OPCML: variants seen among roughly 807,000 people sequenced by gnomAD.
The protein encoded by OPCML is opioid-binding protein/cell adhesion molecule.
A neutral mutation model predicts 37.8 loss-of-function variants in OPCML; 13 were observed. The ratio of observed to expected loss-of-function variants is 0.34; its 90% CI spans 0.22 to 0.55. OPCML has a LOEUF of 0.55. Ranked by LOEUF, OPCML falls within the 20% of genes least tolerant of loss-of-function variation. The pLI, the probability that OPCML is intolerant of heterozygous loss-of-function variation, is 0.91. For synonymous variants in OPCML, 176 were observed against 168.8 expected (o/e 1.04, Z -0.33); for missense variants, 341 against 435.6 (o/e 0.78, Z 1.93).
intron 4 of OPCML, among the ~76,000 whole-genome samples, chr11:132,493,600 T>C (rs573990724): frequency 1.3e-5 from 2 of 152,326 alleles, no homozygotes; most frequent in Admixed American, 1.3e-4. Flanking sequence ...CTCTCCTTCC[T>C]GGACTCCCAT....
chr11:132,452,613 TTTCCTTCCTTCTTGCC>T (rs2096071518), intron 4 of OPCML, among the ~76,000 whole-genome samples: 1 of 151,696 alleles, frequency 6.6e-6, no homozygotes, highest in Non-Finnish European at 1.5e-5. Flanking sequence ...GCCTTCCTAC[TTTCCTTCCTTCTTGCC>T]TTCCTTCCTT....
At chr11:132,562,892 A>G (rs2096413698) in intron 3 of OPCML, among the ~76,000 whole-genome samples, 1 of 152,214 alleles carries the variant, frequency 6.6e-6, no homozygotes. Flanking sequence ...ACACTGATGT[A>G]TACACTGGAA....
At chr11:133,167,333 C>T (rs1221606085) in intron 1 of OPCML, among the ~76,000 whole-genome samples, 4 of 151,956 alleles carry the variant, frequency 2.6e-5, no homozygotes, top group Non-Finnish European at 5.9e-5. Flanking sequence ...AAAATAAATA[C>T]CATATGTGAA....
chr11:133,180,454 A>G (rs1259687646), intron 1 of OPCML, among the ~76,000 whole-genome samples: 1 of 152,126 alleles, frequency 6.6e-6, no homozygotes, highest in Non-Finnish European at 1.5e-5. Flanking sequence ...GCTCAGTGTC[A>G]ATATGGTTCA....
At chr11:132,674,378 G>A (rs765016697) in intron 2 of OPCML, among the ~76,000 whole-genome samples, 4 of 152,168 alleles carry the variant, frequency 2.6e-5, no homozygotes, top group Non-Finnish European at 5.9e-5. Flanking sequence ...CTCAACAGAT[G>A]GCAGGAGAGG....
chr11:132,777,994 G>A (rs761876627), intron 2 of OPCML, among the ~76,000 whole-genome samples: 38 of 152,150 alleles, frequency 2.5e-4, no homozygotes, highest in Non-Finnish European at 4.0e-4. Flanking sequence ...AATTCCAGGA[G>A]AGACCTTAGC....
chr11:133,044,691 C>T (rs756293193), intron 1 of OPCML, among the ~76,000 whole-genome samples: 8 of 152,142 alleles, frequency 5.3e-5, no homozygotes, highest in South Asian at 2.1e-4. Flanking sequence ...AGGCACAGAG[C>T]GGTGAAGTAG....
intron 1 of OPCML, among the ~76,000 whole-genome samples, chr11:133,332,825 GC>G (rs1943651559): frequency 6.6e-6 from 1 of 152,030 alleles, no homozygotes; most frequent in African/African-American, 2.4e-5. Context: ...TGGTGGATTT[GC>G]TTTTTAATGT....
intron 1 of OPCML, among the ~76,000 whole-genome samples, chr11:133,483,311 C>CAGATAGATAGAT (rs10527085): frequency 0.016 from 2,346 of 148,504 alleles, 44 homozygotes; most frequent in African/African-American, 0.037. Context: ...GATAGATAGG[C>CAGATAGATAGAT]AGATAGATAG....
At chr11:132,447,335 C>G (rs995829691) in intron 4 of OPCML, among the ~76,000 whole-genome samples, 7 of 152,140 alleles carry the variant, frequency 4.6e-5, no homozygotes, top group South Asian at 2.1e-4. Flanking sequence ...TTCACGCTCT[C>G]TTGCCCAGAC....
chr11:132,807,081 C>A (rs1457060350), intron 2 of OPCML, among the ~76,000 whole-genome samples: 1 of 152,002 alleles, frequency 6.6e-6, no homozygotes, highest in Non-Finnish European at 1.5e-5. Context: ...AGAAGACTTA[C>A]AATAAAATAA....
chr11:133,516,464 A>T (rs902431888), intron 1 of OPCML, among the ~76,000 whole-genome samples: 2 of 152,190 alleles, frequency 1.3e-5, no homozygotes, highest in Admixed American at 6.5e-5. Context: ...GACTCCAGTC[A>T]CTTCAGGACA....
intron 1 of OPCML, among the ~76,000 whole-genome samples, chr11:133,513,870 A>G (rs1322007143): frequency 6.6e-6 from 1 of 152,220 alleles, no homozygotes; most frequent in Non-Finnish European, 1.5e-5. Flanking sequence ...CATTACAGAG[A>G]TTAAGAGTTT....
At chr11:133,117,476 G>C (rs531214217) in intron 1 of OPCML, among the ~76,000 whole-genome samples, 6 of 152,118 alleles carry the variant, frequency 3.9e-5, no homozygotes, top group African/African-American at 1.4e-4. Context: ...AAGCGAATTG[G>C]GCCCCATCGC....
intron 1 of OPCML, among the ~76,000 whole-genome samples, chr11:133,120,651 G>A (rs562441178): frequency 1.3e-5 from 2 of 152,194 alleles, no homozygotes; most frequent in Non-Finnish European, 2.9e-5. Flanking sequence ...TTCAGTGACT[G>A]TGCTTTTAAG....
chr11:133,269,221 A>T (rs1941748354), intron 1 of OPCML, among the ~76,000 whole-genome samples: 1 of 152,232 alleles, frequency 6.6e-6, no homozygotes, highest in South Asian at 2.1e-4. Context: ...TGGCATTTTA[A>T]ATAATACCAC....
At chr11:132,567,969 G>C (rs2096427819) in intron 3 of OPCML, among the ~76,000 whole-genome samples, 1 of 152,182 alleles carries the variant, frequency 6.6e-6, no homozygotes, top group South Asian at 2.1e-4. Context: ...GCGGGTGTGA[G>C]AGTAACTCAG....
At chr11:133,020,427 T>C (rs1214670184) in intron 1 of OPCML, among the ~76,000 whole-genome samples, 1 of 152,216 alleles carries the variant, frequency 6.6e-6, no homozygotes, top group Non-Finnish European at 1.5e-5. Flanking sequence ...CTTGTTTCTA[T>C]TTTTTAGTCT....
chr11:132,804,367 T>A (rs1400699451), intron 2 of OPCML, among the ~76,000 whole-genome samples: 1 of 152,074 alleles, frequency 6.6e-6, no homozygotes, highest in African/African-American at 2.4e-5. Context: ...GGTGGCAAAC[T>A]AGAGAGGAGG....
Sources: allele counts gnomAD v4.1 joint callset (sites outside exome capture counted in the v4.1 genomes callset), GRCh38; gene constraint gnomAD v4.1.1; transcripts MANE v1.5; gene names NCBI Gene and HGNC (gene_info 2026-07-23, HGNC 2026-07-21).